Variants in SFMBT2 observed in about 807,000 individuals in gnomAD.
SFMBT2 encodes scm-like with four MBT domains protein 2.
A neutral mutation model predicts 110.1 loss-of-function variants in SFMBT2; 38 were observed. The observed-to-expected ratio is 0.35, with a 90% CI of 0.27 to 0.45. The LOEUF (loss-of-function observed/expected upper bound fraction) is 0.45. Among genes scored for constraint, SFMBT2 ranks in the 20% least tolerant of loss-of-function variants. SFMBT2 has a pLI of 1.00. For synonymous variants in SFMBT2, 425 were observed against 425.4 expected, an observed-to-expected ratio of 1.00 and a Z score of 0.01; for missense variants, 1,011 against 1,094.9, an observed-to-expected ratio of 0.92 and a Z score of 1.08.
At chr10:7,200,772 T>C (rs1838929489) in intron 13 of SFMBT2, 1 of 155,792 alleles carries the variant, frequency 6.4e-6, no homozygotes, top group Non-Finnish European at 1.4e-5. Flanking sequence ...GCCTTATCTC[T>C]TGCTATGGAA....
intron 4 of SFMBT2, among the ~76,000 whole-genome samples, chr10:7,358,705 T>TGGAATGGAGGCATGGTGGCA (rs1564456949): frequency 7.2e-6 from 1 of 139,268 alleles, no homozygotes; most frequent in Non-Finnish European, 1.6e-5. Flanking sequence ...GCATGGTGGC[T>TGGAATGGAGGCATGGTGGCA]CTGGAATGAA....
At chr10:7,202,550 A>G (rs1838992247) in intron 12 of SFMBT2, 28 bp from the exon 13 acceptor site, 1 of 1,614,212 alleles carries the variant, frequency 6.2e-7, no homozygotes, top group African/African-American at 1.3e-5. Context: ...CGGAAAAAGA[A>G]AATCAGCTTT....
intron 7 of SFMBT2, among the ~76,000 whole-genome samples, chr10:7,270,134 G>A (rs2388046): frequency 0.61 from 92,641 of 151,958 alleles, 28,397 homozygotes; most frequent in East Asian, 0.82. Flanking sequence ...GTCAAATGAC[G>A]GTTGTCTTGT....
intron 3 of SFMBT2, chr10:7,368,334 A>G: frequency 2.0e-6 from 2 of 985,388 alleles, no homozygotes; most frequent in Non-Finnish European, 2.4e-6. Context: ...ACATGGCCCT[A>G]GAAAATGGAG....
chr10:7,177,339 C>T (rs1416162853), intron 16 of SFMBT2, among the ~76,000 whole-genome samples: 4 of 152,086 alleles, frequency 2.6e-5, no homozygotes, highest in Non-Finnish European at 1.5e-5. Context: ...GGCATTTCTC[C>T]AGTTAAATCT....
At chr10:7,387,648 A>C (rs72775564) in intron 1 of SFMBT2, among the ~76,000 whole-genome samples, 1 of 151,868 alleles carries the variant, frequency 6.6e-6, no homozygotes, top group Non-Finnish European at 1.5e-5. Context: ...AAACCAAAGG[A>C]GGATGGGCAT....
chr10:7,220,524 C>T lies in SFMBT2; in HGVS notation c.1217G>A (p.Arg406Gln), dbSNP rs1393277160. ...AAGTTTCATGTTCTTTGTGAAACCT[C>T]GACTGAATGATGTCTGCAAGAGAAA... is the stretch of plus-strand genomic sequence containing the variant. The part of the protein sequence containing the change: ...PFCFRNTSFS[R>Q]GFTKNMKLEA... The change falls in exon 11 of 21, where the codon CGA (arginine) becomes CAA (glutamine). Residue 406 changes from arginine (R) to glutamine (Q), a missense_variant. Arg to Gln is a conservative substitution (Grantham distance 43). Around this residue, in one of 2 missense-constraint regions of SFMBT2, gnomAD observed 979 missense variants for 1,016.1 expected, o/e 0.96. Transcript: ENST00000397167. 17 of 1,613,964 alleles carry T rather than the reference C, an allele frequency of 1.1e-5. No individual in the cohort carries two copies. The highest frequency in any genetic ancestry group is 2.2e-5 in the East Asian group (1 of 44,884).
intron 4 of SFMBT2, among the ~76,000 whole-genome samples, chr10:7,333,211 A>G (rs535149782): frequency 6.6e-6 from 1 of 152,320 alleles, no homozygotes; most frequent in South Asian, 2.1e-4. Flanking sequence ...TGAGAGCTTT[A>G]TCAACTTGAG....
At chr10:7,279,410 C>T (rs181626051) in intron 6 of SFMBT2, among the ~76,000 whole-genome samples, 4 of 152,270 alleles carry the variant, frequency 2.6e-5, no homozygotes, top group Admixed American at 2.6e-4. Flanking sequence ...TGGAATGAAC[C>T]CAGCCCACAG....
chr10:7,391,015 A>C (rs1401265002), intron 1 of SFMBT2, among the ~76,000 whole-genome samples: 1 of 150,718 alleles, frequency 6.6e-6, no homozygotes, highest in African/African-American at 2.4e-5. Context: ...CAGGAGAATC[A>C]CTTGAACCTG....
At chr10:7,303,525 GAGAA>G in intron 4 of SFMBT2, among the ~76,000 whole-genome samples, 1 of 152,240 alleles carries the variant, frequency 6.6e-6, no homozygotes, top group East Asian at 1.9e-4. Flanking sequence ...GACAGAAAAA[GAGAA>G]AGAAAGGGTG....
At chr10:7,356,395 TTTG>T (rs774023100) in intron 4 of SFMBT2, among the ~76,000 whole-genome samples, 9 of 151,970 alleles carry the variant, frequency 5.9e-5, no homozygotes, top group Non-Finnish European at 1.2e-4. Context: ...GCTACTGCGT[TTTG>T]TTGTTGTTGT....
chr10:7,164,644 C>T (rs761525421), intron 20 of SFMBT2, among the ~76,000 whole-genome samples: 5 of 152,034 alleles, frequency 3.3e-5, no homozygotes, highest in Non-Finnish European at 5.9e-5. Context: ...AAAGACAAGG[C>T]TCCCTCAGCT....
chr10:7,300,683 T>C (rs1842532706), intron 4 of SFMBT2, among the ~76,000 whole-genome samples: 1 of 152,242 alleles, frequency 6.6e-6, no homozygotes, highest in Admixed American at 6.5e-5. Flanking sequence ...ATTACTCTTG[T>C]TCAAACTTTC....
intron 1 of SFMBT2, among the ~76,000 whole-genome samples, chr10:7,389,140 T>A (rs2255636): frequency 0.018 from 2,698 of 152,282 alleles, 80 homozygotes; most frequent in African/African-American, 0.061. Context: ...ACCTATGCAG[T>A]GTCTGTGGAA....
intron 4 of SFMBT2, among the ~76,000 whole-genome samples, chr10:7,352,484 G>A (rs1464216412): frequency 6.6e-6 from 1 of 152,038 alleles, no homozygotes. Context: ...CACCACACCT[G>A]GTTAATTTTT....
Position 7,202,724 on chromosome 10 carries a change from G to T in SFMBT2, c.1445-202C>A. On this transcript the variant is annotated intron_variant, in intron 12 of 20. Coordinates refer to ENST00000397167, the MANE Select transcript of SFMBT2 (RefSeq NM_001387889.1). ...TTAACTCACCAGATGTCAGATCTTAGTACAACTTCGTTCATTTAATCTTAT... is the reference window on the plus strand; with the variant it reads ...TTAACTCACCAGATGTCAGATCTTATTACAACTTCGTTCATTTAATCTTAT... 3.0e-6 allele frequency: 3 copies of T among 985,388 alleles called. No individual in the cohort carries two copies. In the South Asian group the frequency reaches 1.4e-4, roughly 46 times the overall value. 61.0% of individuals were successfully genotyped at this position (985,388 alleles called of 1,614,324 possible). A position where few individuals can be genotyped will look rare whatever the true frequency, so the allele number is the denominator to read the frequency against.
intron 4 of SFMBT2, among the ~76,000 whole-genome samples, chr10:7,344,767 C>T (rs904128608): frequency 1.2e-4 from 18 of 151,712 alleles, no homozygotes; most frequent in African/African-American, 4.1e-4. Flanking sequence ...GAGATCGAGA[C>T]CACAGTGAAA....
intron 9 of SFMBT2, among the ~76,000 whole-genome samples, chr10:7,231,560 G>A (rs2025464): frequency 0.26 from 39,465 of 152,028 alleles, 5,307 homozygotes; most frequent in South Asian, 0.38. Context: ...GTCATGCCTC[G>A]TGTTTTCTTG....
Sources: gnomAD v4.1 joint callset for allele counts (sites outside exome capture counted in the v4.1 genomes callset) on GRCh38, gnomAD v4.1.1 for gene constraint, gnomAD v4.1.1 regional missense constraint, MANE v1.5 for transcripts, NCBI Gene and HGNC (gene_info 2026-07-23, HGNC 2026-07-21) for gene names.